The following EEF2K variants were observed in gnomAD, a reference collection of about 807,000 sequenced individuals.
EEF2K encodes the protein alternative protein EEF2K.
Under a neutral mutation model 93.8 loss-of-function variants are expected in EEF2K, and 70 were observed. That is an observed-to-expected ratio of 0.75 (90% CI 0.62 to 0.91). The LOEUF is 0.91. Among genes scored for constraint, EEF2K ranks in the 40% least tolerant of loss-of-function variants. The pLI is 0.00. For synonymous variants in EEF2K, 376 were observed against 380.8 expected, an observed-to-expected ratio of 0.99 and a Z score of 0.15; for missense variants, 935 against 972.9, an observed-to-expected ratio of 0.96 and a Z score of 0.52.
rs187360188 is a variant in EEF2K at position 22,276,154 on chromosome 16, C to T, written c.1889+2404C>T. 2.6e-5 allele frequency among the ~76,000 whole-genome samples: 4 copies of T among 151,414 alleles called. No individual in the cohort carries two copies. The East Asian group carries it at 7.8e-4, about 30-fold the overall frequency. On this transcript the variant is annotated intron_variant, in intron 16 of 17. Coordinates refer to ENST00000263026, the MANE Select transcript of EEF2K (RefSeq NM_013302.5). ...AGAGACAAGGGCTTGCTATGATGCCCAGGCTGGTCTCAAACTCCTGGCCTC... is the reference window on the plus strand; with the variant it reads ...AGAGACAAGGGCTTGCTATGATGCCTAGGCTGGTCTCAAACTCCTGGCCTC...
At position 22,220,450 on chromosome 16, in the gene EEF2K, T is replaced by TTTG. The variant is rs1555468579; in HGVS notation, c.-76-5202_-76-5201insGTT. 1.6e-3 allele frequency among the ~76,000 whole-genome samples: 242 copies of TTTG among 151,900 alleles called. 2 individuals are homozygous for TTTG. The highest frequency in any genetic ancestry group is 5.8e-3 in the African/African-American group (241 of 41,398). ...ATCCTGAATCTGAGCGTGCTTTTTT[T>TTTG]TTTGTTTTTTGCTTATTTGAGATGA... On this transcript the variant is annotated intron_variant, in intron 1 of 17. Coordinates refer to ENST00000263026, the MANE Select transcript of EEF2K (RefSeq NM_013302.5).
intron 2 of EEF2K, among the ~76,000 whole-genome samples, chr16:22,232,878 G>A (rs2047129767): frequency 6.7e-6 from 1 of 148,766 alleles, no homozygotes; most frequent in African/African-American, 2.5e-5. Flanking sequence ...ATAAACCTAA[G>A]TGGTTTTTTT....
At chr16:22,278,091 CA>C (rs1343115507) in intron 16 of EEF2K, among the ~76,000 whole-genome samples, 5 of 152,058 alleles carry the variant, frequency 3.3e-5, no homozygotes, top group Non-Finnish European at 7.4e-5. Context: ...CCTGTCATCC[CA>C]GCTACTCAGG....
chr16:22,227,516 C>T (rs1225145760), intron 2 of EEF2K, among the ~76,000 whole-genome samples: 1 of 152,160 alleles, frequency 6.6e-6, no homozygotes, highest in African/African-American at 2.4e-5. Flanking sequence ...AGCCACTGCA[C>T]CCAGCCTAAA....
intron 1 of EEF2K, among the ~76,000 whole-genome samples, chr16:22,210,613 T>C (rs1314417134): frequency 6.6e-6 from 1 of 152,206 alleles, no homozygotes; most frequent in African/African-American, 2.4e-5. Context: ...CCAACTCTAG[T>C]CATGTGATTT....
intron 3 of EEF2K, among the ~76,000 whole-genome samples, chr16:22,246,186 C>T (rs150495719): frequency 2.0e-5 from 3 of 152,206 alleles, no homozygotes; most frequent in African/African-American, 7.2e-5. Flanking sequence ...CAGGGAAACA[C>T]TTACTCATAT....
chr16:22,281,481 A>G (rs1048458716), intron 17 of EEF2K, among the ~76,000 whole-genome samples: 2 of 152,194 alleles, frequency 1.3e-5, no homozygotes, highest in African/African-American at 2.4e-5. Flanking sequence ...GCCTCAAGCA[A>G]TCTGCTGCCT....
intron 16 of EEF2K, among the ~76,000 whole-genome samples, chr16:22,275,783 G>T (rs1389701280): frequency 6.6e-6 from 1 of 151,690 alleles, no homozygotes; most frequent in Non-Finnish European, 1.5e-5. Context: ...TGGAACTACA[G>T]ATGTGCATCA....
chr16:22,236,816 A>G (rs759974222), intron 2 of EEF2K, among the ~76,000 whole-genome samples: 2 of 150,636 alleles, frequency 1.3e-5, no homozygotes, highest in Non-Finnish European at 2.9e-5. Flanking sequence ...GTATATAATT[A>G]TTATGATTTC....
intron 2 of EEF2K, among the ~76,000 whole-genome samples, chr16:22,234,811 A>G (rs2047150641): frequency 2.6e-5 from 4 of 151,020 alleles, no homozygotes; most frequent in Non-Finnish European, 4.4e-5. Flanking sequence ...TTTTACATAA[A>G]TAGAATCATA....
In EEF2K at chr16:22,246,662, G is replaced by A. The variant is rs913601505; in HGVS notation, c.347+1932G>A. On this transcript the variant is annotated intron_variant, in intron 3 of 17. Coordinates refer to ENST00000263026, the MANE Select transcript of EEF2K (RefSeq NM_013302.5). ...GGGGCTCAGAAAATGATACCCCAAA[G>A]TGAAGGCTTCAGAAATAGCCCCTCT... Among the ~76,000 whole-genome samples the A allele has an allele frequency of 2.0e-5, 3 of 151,768 alleles. 1 individual carries two copies. Among genetic ancestry groups the A allele is most frequent in the Admixed American group, 6.6e-5 (1 of 15,196 alleles).
chr16:22,225,476 C>T (rs1475683495), intron 1 of EEF2K, among the ~76,000 whole-genome samples, 178 bp from the exon 2 acceptor site: 2 of 152,126 alleles, frequency 1.3e-5, no homozygotes, highest in Non-Finnish European at 2.9e-5. Flanking sequence ...ACTGGGTCAG[C>T]GGGTTTCGAA....
At chr16:22,262,262 A>C (rs1481035686) in intron 11 of EEF2K, among the ~76,000 whole-genome samples, 1 of 152,156 alleles carries the variant, frequency 6.6e-6, no homozygotes, top group East Asian at 1.9e-4. Context: ...CTGTAATCCC[A>C]ACACTTTGGG....
At chr16:22,279,381 G>A (rs943822403) in intron 16 of EEF2K, among the ~76,000 whole-genome samples, 8 of 151,754 alleles carry the variant, frequency 5.3e-5, no homozygotes, top group Non-Finnish European at 1.5e-5. Context: ...GGGACTACAG[G>A]TGTCCATCAC....
intron 2 of EEF2K, among the ~76,000 whole-genome samples, chr16:22,228,090 T>G (rs993648323): frequency 4.4e-5 from 6 of 137,792 alleles, no homozygotes; most frequent in Admixed American, 8.1e-5. Flanking sequence ...CTCAGCTCAC[T>G]GCAACCTCCA....
At chr16:22,272,748 G>A (rs1240760309) in intron 15 of EEF2K, among the ~76,000 whole-genome samples, 1 of 151,154 alleles carries the variant, frequency 6.6e-6, no homozygotes, top group African/African-American at 2.4e-5. Flanking sequence ...TGCAACCTCC[G>A]CTTCCTAGAT....
intron 2 of EEF2K, among the ~76,000 whole-genome samples, chr16:22,236,812 A>G (rs1397045528): frequency 6.6e-6 from 1 of 151,048 alleles, no homozygotes; most frequent in Non-Finnish European, 1.5e-5. Flanking sequence ...CCTGGTATAT[A>G]ATTATTATGA....
In EEF2K at chr16:22,285,369, A is replaced by T. The variant is rs530854749; in HGVS notation, c.*1373A>T. On this transcript the variant is annotated 3_prime_UTR_variant, in exon 18 of 18. Coordinates refer to ENST00000263026, the MANE Select transcript of EEF2K (RefSeq NM_013302.5). ...TTCAGCAGCAGTCTCTTGGGATTTTATCTAAGATGTTTGAGGATGAGAGGG... is the reference window on the plus strand; with the variant it reads ...TTCAGCAGCAGTCTCTTGGGATTTTTTCTAAGATGTTTGAGGATGAGAGGG... The T allele has an allele frequency of 6.6e-6, 1 of 152,234 alleles. No individual in the cohort carries two copies. Among genetic ancestry groups the T allele is most frequent in the East Asian group, 1.9e-4 (1 of 5,176 alleles). 9.4% of individuals were successfully genotyped at this position (152,234 alleles called of 1,614,324 possible).
chr16:22,222,702 T>TAAAAAAAA (rs1161314400), intron 1 of EEF2K, among the ~76,000 whole-genome samples: 96 of 96,318 alleles, frequency 1.0e-3, no homozygotes, highest in Non-Finnish European at 1.5e-3. Context: ...ACCCCGTCCC[T>TAAAAAAAA]AAAAAAAAAA....
Sources: allele counts gnomAD v4.1 joint callset (sites outside exome capture counted in the v4.1 genomes callset), GRCh38; gene constraint gnomAD v4.1.1; transcripts MANE v1.5; gene names NCBI Gene and HGNC (gene_info 2026-07-23, HGNC 2026-07-21).